Variants in MID1 observed in about 807,000 individuals in gnomAD.
The protein encoded by MID1 is midline 1.
Under a neutral mutation model 40.4 loss-of-function variants are expected in MID1, and 7 were observed. That is an observed-to-expected ratio of 0.17 (90% CI 0.10 to 0.33). The LOEUF is 0.33. Among genes scored for constraint, MID1 ranks in the 10% least tolerant of loss-of-function variants. The probability of loss-of-function intolerance (pLI) is 1.00; values close to 1 mark genes in which losing one functional copy is unlikely to be tolerated. For synonymous variants in MID1, 229 were observed against 221.2 expected, an observed-to-expected ratio of 1.04 and a Z score of -0.31; for missense variants, 367 against 558.5, an observed-to-expected ratio of 0.66 and a Z score of 3.46.
chrX:10,518,024 T>C (rs1932536671), intron 3 of MID1, among the ~76,000 whole-genome samples: 1 of 112,025 alleles, frequency 8.9e-6, no homozygotes, highest in African/African-American at 3.2e-5. Flanking sequence ...CCAACCGCAC[T>C]ACCAAAATGA....
At chrX:10,752,258 C>G (rs1465028790) in intron 1 of MID1, among the ~76,000 whole-genome samples, 1 of 112,252 alleles carries the variant, frequency 8.9e-6, no homozygotes, top group East Asian at 2.8e-4. Context: ...TGTAAGGAAA[C>G]TTGCTTCACA....
intron 1 of MID1, among the ~76,000 whole-genome samples, chrX:10,672,211 C>T (rs1016928315): frequency 2.8e-5 from 3 of 106,539 alleles, no homozygotes; most frequent in Middle Eastern, 4.8e-3. Flanking sequence ...GGTGACAGAG[C>T]GAGATCCTGT....
rs1396952497 is a variant in MID1 at position 10,674,263 on chromosome X, C to T, written c.-186-53844G>A. Among the ~76,000 whole-genome samples, 3 of 112,267 alleles carry T rather than the reference C, an allele frequency of 2.7e-5. No homozygotes were observed. The Admixed American group carries it at 2.8e-4, about 11-fold the overall frequency. ...ACTCAGCTCACAGGTTCCAAGTAGC[C>T]AGTAACATATTTTAATGTATCAATA... On this transcript the variant is annotated intron_variant, in intron 1 of 10. Transcript: ENST00000380785.
chrX:10,466,425 A>G (rs1425918350), intron 7 of MID1, among the ~76,000 whole-genome samples: 2 of 111,859 alleles, frequency 1.8e-5, no homozygotes, highest in African/African-American at 6.5e-5. Context: ...CTCAGTATTT[A>G]GCATGTAATC....
At chrX:10,785,746 G>A (rs1337499185) in intron 1 of MID1, among the ~76,000 whole-genome samples, 1 of 111,553 alleles carries the variant, frequency 9.0e-6, no homozygotes, top group African/African-American at 3.3e-5. Flanking sequence ...AATGGTGCTG[G>A]GAAAACTGGC....
chrX:10,754,309 G>GTTTTTTTTTTTT (rs200251008), intron 1 of MID1, among the ~76,000 whole-genome samples: 16 of 104,574 alleles, frequency 1.5e-4, no homozygotes, highest in African/African-American at 5.6e-4. Flanking sequence ...GTTTTTTTTT[G>GTTTTTTTTTTTT]TTTTTTGTTT....
intron 1 of MID1, among the ~76,000 whole-genome samples, chrX:10,579,072 C>G (rs1324510662): frequency 8.9e-6 from 1 of 112,173 alleles, no homozygotes; most frequent in Non-Finnish European, 1.9e-5. Flanking sequence ...CTAGAATTCA[C>G]TCTTCACAAA....
chrX:10,451,052 G>GA (rs1421916294), intron 9 of MID1, among the ~76,000 whole-genome samples: 1 of 111,593 alleles, frequency 9.0e-6, no homozygotes, highest in East Asian at 2.8e-4. Context: ...CTTTAAGAGT[G>GA]GTGTGTTTGT....
At chrX:10,654,952 A>G (rs2042860004) in intron 1 of MID1, among the ~76,000 whole-genome samples, 1 of 112,460 alleles carries the variant, frequency 8.9e-6, no homozygotes. Flanking sequence ...TAAACTGACA[A>G]AAAACTCTGC....
intron 1 of MID1, among the ~76,000 whole-genome samples, chrX:10,682,603 G>A (rs1015233588): frequency 9.0e-5 from 10 of 111,479 alleles, no homozygotes; most frequent in African/African-American, 3.3e-4. Context: ...TCATACCTCA[G>A]TGAGAATAAT....
chrX:10,810,694 C>CTGTG (rs1296699151), intron 1 of MID1, among the ~76,000 whole-genome samples: 2 of 73,423 alleles, frequency 2.7e-5, no homozygotes, highest in African/African-American at 4.9e-5. Flanking sequence ...TTGTTGTTTT[C>CTGTG]TCTGTGTGTG....
chrX:10,769,268 TAAAACAAAACAA>T (rs1048193286), intron 1 of MID1, among the ~76,000 whole-genome samples: 8 of 108,507 alleles, frequency 7.4e-5, no homozygotes, highest in East Asian at 2.9e-4. Flanking sequence ...CCTACCGCCT[TAAAACAAAACAA>T]AAAACAAAAC....
chrX:10,594,507 G>C (rs899565461), intron 1 of MID1, among the ~76,000 whole-genome samples: 1 of 111,645 alleles, frequency 9.0e-6, no homozygotes, highest in Non-Finnish European at 1.9e-5. Flanking sequence ...CCCTGAGGGT[G>C]ATTGGGCCCC....
rs6640666 is a variant in MID1, at chrX:10,576,078, A to G, written c.-56-8475T>C. On this transcript the variant is annotated intron_variant, in intron 1 of 9. Transcript: ENST00000317552. ...TTTTAAAATAATTAATACAATAGAT[A>G]TTTTGAATAACTTGACATTTCTTCT... Among the ~76,000 whole-genome samples, 9 of 109,486 alleles carry G rather than the reference A, an allele frequency of 8.2e-5. No homozygotes were observed. In the East Asian group the frequency reaches 2.6e-3, roughly 31 times the overall value.
intron 1 of MID1, among the ~76,000 whole-genome samples, chrX:10,750,449 T>C (rs1014594829): frequency 9.2e-6 from 1 of 108,735 alleles, no homozygotes. Flanking sequence ...CTGGCCAACA[T>C]GGTGAAACCC....
chrX:10,609,156 TACACAC>T (rs369473330), intron 1 of MID1, among the ~76,000 whole-genome samples: 7 of 106,998 alleles, frequency 6.5e-5, no homozygotes, highest in Admixed American at 4.0e-4. Context: ...CACACGTGCA[TACACAC>T]ACACACACAC....
intron 1 of MID1, among the ~76,000 whole-genome samples, chrX:10,752,953 C>G (rs894061370): frequency 1.5e-4 from 17 of 112,263 alleles, no homozygotes; most frequent in Non-Finnish European, 3.0e-4. Flanking sequence ...ATGGACCCTC[C>G]TCCTCGGGAA....
At chrX:10,547,794 A>G (rs1054380648) in intron 2 of MID1, among the ~76,000 whole-genome samples, 7 of 111,500 alleles carry the variant, frequency 6.3e-5, no homozygotes, top group Non-Finnish European at 1.3e-4. Context: ...TGCTGAACCC[A>G]CTTTATAATT....
intron 1 of MID1, among the ~76,000 whole-genome samples, chrX:10,670,601 A>G (rs768871518): frequency 1.8e-5 from 2 of 112,273 alleles, no homozygotes; most frequent in South Asian, 3.7e-4. Flanking sequence ...TCAAGATCTT[A>G]CAAAATGTAA....
Sources: gnomAD v4.1 joint callset for allele counts (sites outside exome capture counted in the v4.1 genomes callset) on GRCh38, gnomAD v4.1.1 for gene constraint, MANE v1.5 for transcripts, NCBI Gene and HGNC (gene_info 2026-07-23, HGNC 2026-07-21) for gene names.